EARS2: variants seen among roughly 807,000 people sequenced by gnomAD.
EARS2 encodes glutamyl-tRNA synthetase 2, mitochondrial, also known as nondiscriminating glutamyl-tRNA synthetase EARS2, mitochondrial.
A neutral mutation model predicts 54.1 loss-of-function variants in EARS2; 50 were observed. That is an observed-to-expected ratio of 0.92 (90% confidence interval 0.74 to 1.17). The LOEUF is 1.17. Ranked by LOEUF, EARS2 falls within the 50% of genes most tolerant of loss-of-function variation. EARS2 has a pLI of 0.00. For missense variants in EARS2, 673 were observed against 675.0 expected, an observed-to-expected ratio of 1.00 and a Z score of 0.03; for synonymous variants, 298 against 281.0, an observed-to-expected ratio of 1.06 and a Z score of -0.61.
chr16:23,529,253 G>A (rs1567378969), intron 7 of EARS2, among the ~76,000 whole-genome samples: 1 of 152,240 alleles, frequency 6.6e-6, no homozygotes. Flanking sequence ...GACATAATCT[G>A]GTGAGTACAC....
intron 5 of EARS2, among the ~76,000 whole-genome samples, chr16:23,532,296 A>G (rs1965339859): frequency 6.6e-6 from 1 of 152,198 alleles, no homozygotes; most frequent in African/African-American, 2.4e-5. Flanking sequence ...GGAGTCTAAA[A>G]TGAAGATACA....
intron 2 of EARS2, chr16:23,546,316 A>T: frequency 2.2e-6 from 1 of 444,952 alleles, no homozygotes; most frequent in Non-Finnish European, 4.5e-6. Context: ...AGATAAGGAC[A>T]TTGTTCACCT....
rs1965811552 is a variant in EARS2 at position 23,557,200 on chromosome 16, G to T, written c.139+5C>A. The T allele has an allele frequency of 3.3e-6, 5 of 1,509,628 alleles. No individual in the cohort carries two copies. Among genetic ancestry groups the T allele is most frequent in the Non-Finnish European group, 4.4e-6 (5 of 1,138,304 alleles). 93.5% of individuals were successfully genotyped at this position (1,509,628 alleles called of 1,614,324 possible). On this transcript the variant is annotated splice_donor_5th_base_variant and intron_variant, in intron 1 of 8. Transcript: ENST00000449606. ...GGCCTGTAGCGTCACGTCCGCCAGG[G>T]TTACCTGTGGGGCTGGGAGCGAACC...
intron 2 of EARS2, among the ~76,000 whole-genome samples, chr16:23,550,257 C>T (rs1965671471): frequency 6.6e-6 from 1 of 151,618 alleles, no homozygotes; most frequent in Non-Finnish European, 1.5e-5. Flanking sequence ...GTGCCAGCTA[C>T]CCAGGAGGCT....
At chr16:23,541,569 G>C (rs1436309131) in intron 3 of EARS2, among the ~76,000 whole-genome samples, 3 of 152,152 alleles carry the variant, frequency 2.0e-5, no homozygotes, top group African/African-American at 7.2e-5. Context: ...GTACTTATAG[G>C]TATATGTACT....
chr16:23,525,006 C>G, intron 8 of EARS2: 1 of 611,246 alleles, frequency 1.6e-6, no homozygotes, highest in South Asian at 2.0e-5. Context: ...CTGCAAACCC[C>G]ATGGAGGCAG....
intron 4 of EARS2, 79 bp downstream of exon 4, chr16:23,534,809 G>C: frequency 3.1e-6 from 4 of 1,301,270 alleles, no homozygotes; most frequent in South Asian, 1.5e-5. Flanking sequence ...TGGGACCAAA[G>C]AGCAGGACTG....
rs376227171 is a variant in EARS2 at position 23,529,759 on chromosome 16, G to A, written c.1206C>T (p.Ile402=). The A allele has an allele frequency of 1.5e-4, 237 of 1,614,174 alleles. No homozygotes were observed. Among genetic ancestry groups the A allele is most frequent in the Non-Finnish European group, 1.8e-4 (215 of 1,180,028 alleles). ...GACACCACACCTGTCTCAGCAGGAG[G>A]ATCCTCTCCACGTAGACTGGGTTGA... ...DVLNPVYVER[I]LLLRQGHICR... The change falls in exon 6 of 9, where the codon ATC becomes ATT. Residue 402 remains isoleucine (I), a synonymous_variant. Transcript: ENST00000449606.
intron 4 of EARS2, 24 bp downstream of exon 4, chr16:23,534,864 A>G (rs753113708): frequency 2.0e-6 from 3 of 1,537,766 alleles, no homozygotes; most frequent in Non-Finnish European, 2.6e-6. Flanking sequence ...CTCTGCTGCC[A>G]GGACTATTCA....
intron 3 of EARS2, among the ~76,000 whole-genome samples, chr16:23,536,434 G>C (rs889975576): frequency 1.3e-5 from 2 of 151,976 alleles, no homozygotes; most frequent in African/African-American, 4.8e-5. Flanking sequence ...GCAAAATCCT[G>C]TCTCTTATTT....
chr16:23,541,681 T>C (rs1184745733), intron 3 of EARS2, among the ~76,000 whole-genome samples: 1 of 145,910 alleles, frequency 6.9e-6, no homozygotes, highest in Admixed American at 7.3e-5. Context: ...TCTTTCAATA[T>C]ATATCTTTGT....
At position 23,535,219 on chromosome 16, in the gene EARS2, T is replaced by A. The variant is rs1240901119; in HGVS notation, c.627A>T (p.Glu209Asp). The A allele has an allele frequency of 6.2e-7, 1 of 1,613,576 alleles. No homozygotes were observed. Among genetic ancestry groups the A allele is most frequent in the East Asian group, 2.2e-5 (1 of 44,886 alleles). The change falls in exon 4 of 9, where the codon GAA becomes GAT. Residue 209 changes from glutamate to aspartate, a missense_variant. Coordinates refer to ENST00000449606, the MANE Select transcript of EARS2 (RefSeq NM_001083614.2). ...CTGGGTCTCCCTCCACGCTGGCCAC[T>A]TCATGCCTATTCCAGCCATAGACCA... ...QDLVYGWNRH[E>D]VASVEGDPVI...
intron 1 of EARS2, chr16:23,556,807 T>C: frequency 2.2e-6 from 1 of 458,284 alleles, no homozygotes. Context: ...GCATGGCACA[T>C]GTGACTCTAA....
chr16:23,540,137 G>C (rs1965488996), intron 3 of EARS2, among the ~76,000 whole-genome samples: 1 of 152,156 alleles, frequency 6.6e-6, no homozygotes. Flanking sequence ...CTGGGTGACA[G>C]AGTGAGACCC....
At chr16:23,533,019 G>T (rs1965352824) in intron 4 of EARS2, among the ~76,000 whole-genome samples, 1 of 152,150 alleles carries the variant, frequency 6.6e-6, no homozygotes, top group African/African-American at 2.4e-5. Flanking sequence ...AGGCATGGTG[G>T]CTTACACCTG....
intron 3 of EARS2, among the ~76,000 whole-genome samples, chr16:23,541,554 A>G (rs1965512066): frequency 6.6e-6 from 1 of 152,220 alleles, no homozygotes; most frequent in Non-Finnish European, 1.5e-5. Flanking sequence ...AAGAGAAAAT[A>G]ATATGTACTT....
intron 1 of EARS2, among the ~76,000 whole-genome samples, chr16:23,553,543 G>A (rs1288195785): frequency 1.3e-5 from 2 of 151,690 alleles, no homozygotes; most frequent in Non-Finnish European, 2.9e-5. Flanking sequence ...GATCACCTGG[G>A]TCTCTAAATT....
At chr16:23,529,215 G>A (rs1276628002) in intron 7 of EARS2, among the ~76,000 whole-genome samples, 1 of 152,188 alleles carries the variant, frequency 6.6e-6, no homozygotes, top group Admixed American at 6.5e-5. Context: ...ACAGTAACTT[G>A]GCCAAAGTGA....
chr16:23,538,773 T>C (rs757877714), intron 3 of EARS2, among the ~76,000 whole-genome samples: 3 of 151,886 alleles, frequency 2.0e-5, no homozygotes, highest in African/African-American at 7.3e-5. Flanking sequence ...TGAAGCAGGA[T>C]TGCTTGAGCC....
Sources: gnomAD v4.1 joint callset for allele counts (sites outside exome capture counted in the v4.1 genomes callset) on GRCh38, gnomAD v4.1.1 for gene constraint, MANE v1.5 for transcripts, NCBI Gene and HGNC (gene_info 2026-07-23, HGNC 2026-07-21) for gene names.